PCDH11X: variants seen among roughly 807,000 people sequenced by gnomAD.
PCDH11X encodes protocadherin 11 X-linked, also known as protocadherin-11 X-linked.
Under a neutral mutation model 53.3 loss-of-function variants are expected in PCDH11X, and 18 were observed. The ratio of observed to expected loss-of-function variants is 0.34; its 90% CI spans 0.23 to 0.50. The LOEUF (loss-of-function observed/expected upper bound fraction) is 0.50, where lower values mean the gene tolerates loss of function less well. Among genes scored for constraint, PCDH11X ranks in the 20% least tolerant of loss-of-function variants. PCDH11X has a pLI of 0.98. For missense variants in PCDH11X, 570 were observed against 1,032.4 expected (o/e 0.55, Z 6.14); for synonymous variants, 279 against 393.3 (o/e 0.71, Z 3.44).
intron 6 of PCDH11X, among the ~76,000 whole-genome samples, chrX:92,147,851 C>CTTTCT (rs1410054680): frequency 2.1e-5 from 2 of 95,264 alleles, no homozygotes; most frequent in Non-Finnish European, 4.1e-5. Flanking sequence ...TTCTTTCTTT[C>CTTTCT]TTTTTTCTTT....
intron 6 of PCDH11X, among the ~76,000 whole-genome samples, chrX:92,057,975 T>C (rs2063474358): frequency 1.1e-5 from 1 of 91,024 alleles, no homozygotes; most frequent in Non-Finnish European, 2.0e-5. Flanking sequence ...ATTTCTTCCC[T>C]TTCTATGTTG....
At chrX:92,127,518 C>CT (rs35828888) in intron 6 of PCDH11X, among the ~76,000 whole-genome samples, 4,540 of 88,376 alleles carry the variant, frequency 0.051, 431 homozygotes, top group African/African-American at 0.18. Context: ...TTTCCCCCCA[C>CT]TTTTTTTTTT....
intron 9 of PCDH11X, among the ~76,000 whole-genome samples, chrX:92,421,117 CTG>C (rs2071955910): frequency 9.0e-6 from 1 of 111,441 alleles, no homozygotes; most frequent in African/African-American, 3.3e-5. Flanking sequence ...GTTTATTTAT[CTG>C]TGTTTTGTTT....
At chrX:92,578,058 G>A (rs1240684272) in intron 10 of PCDH11X, among the ~76,000 whole-genome samples, 5 of 103,332 alleles carry the variant, frequency 4.8e-5, no homozygotes, top group Non-Finnish European at 6.0e-5. Context: ...CACTTGATCC[G>A]GAGCTGAGAT....
At chrX:92,258,872 T>C (rs1026374629) in intron 7 of PCDH11X, among the ~76,000 whole-genome samples, 1 of 112,161 alleles carries the variant, frequency 8.9e-6, no homozygotes, top group Non-Finnish European at 1.9e-5. Context: ...ACATCTTGAA[T>C]GCTTTGCTGC....
intron 6 of PCDH11X, among the ~76,000 whole-genome samples, chrX:91,962,080 T>A (rs2061796086): frequency 9.6e-6 from 1 of 104,213 alleles, no homozygotes; most frequent in African/African-American, 3.6e-5. Context: ...ACCATGTCAT[T>A]CCACCCCGGC....
chrX:91,887,448 G>A (rs1035408769), intron 6 of PCDH11X, among the ~76,000 whole-genome samples: 4 of 111,043 alleles, frequency 3.6e-5, no homozygotes, highest in Admixed American at 1.9e-4. Flanking sequence ...TACATCGTGC[G>A]TGTTCATACA....
intron 8 of PCDH11X, among the ~76,000 whole-genome samples, chrX:92,323,413 A>G (rs926023423): frequency 6.4e-4 from 70 of 108,735 alleles, no homozygotes; most frequent in African/African-American, 2.2e-3. Flanking sequence ...ATAAAGAATC[A>G]GTAAACCCTC....
chrX:92,404,833 C>T (rs1476382774), intron 9 of PCDH11X, among the ~76,000 whole-genome samples: 2 of 92,903 alleles, frequency 2.2e-5, no homozygotes, highest in Non-Finnish European at 4.2e-5. Context: ...CTTCTCCAAC[C>T]TGTGCATGAG....
In PCDH11X at chrX:92,620,414, T is replaced by G. The variant is rs1928393821; in HGVS notation, c.*1474T>G. ...ACTTAATTTTCTTCCATAGCAAAAC[T>G]GAGAAAATACCTTGTTTCAGTATAA... On this transcript the variant is annotated 3_prime_UTR_variant, in exon 11 of 11. Transcript: ENST00000682573. 1 of 100,199 alleles carries G rather than the reference T, an allele frequency of 1.0e-5. No homozygotes were observed. Among genetic ancestry groups the G allele is most frequent in the South Asian group, 5.0e-4 (1 of 1,995 alleles). The allele number at this position is 100,199 out of a possible 1,213,427, so 8.3% of individuals were successfully genotyped here.
At chrX:92,274,954 T>A (rs1485706210) in intron 8 of PCDH11X, among the ~76,000 whole-genome samples, 10 of 108,234 alleles carry the variant, frequency 9.2e-5, no homozygotes, top group Non-Finnish European at 1.9e-4. Context: ...GGGAGGCCAG[T>A]TTGAAGTCTG....
In PCDH11X at chrX:92,270,299, T is replaced by C. The variant is rs182552139; in HGVS notation, c.3144+7156T>C. 3.6e-4 allele frequency among the ~76,000 whole-genome samples: 39 copies of C among 109,222 alleles called. No individual in the cohort carries two copies. The East Asian group carries it at 0.011, about 32-fold the overall frequency. The allele number at this position is 109,222 out of a possible 115,157, so 94.8% of individuals were successfully genotyped here. The stretch of plus-strand genomic sequence containing the variant: ...CGGCTAGTTGTTTTTTGTGTGTGTG[T>C]TTTTAGTAGAGATGGGGTGTTACCA... On this transcript the variant is annotated intron_variant, in intron 8 of 10. Coordinates refer to ENST00000682573, the MANE Select transcript of PCDH11X (RefSeq NM_032968.5).
intron 6 of PCDH11X, among the ~76,000 whole-genome samples, chrX:91,904,673 T>C (rs1484904976): frequency 9.0e-6 from 1 of 111,529 alleles, no homozygotes; most frequent in East Asian, 2.8e-4. Flanking sequence ...TGCTCATTTT[T>C]TATTTTATTA....
chrX:92,552,217 ATT>A (rs755343357), intron 10 of PCDH11X, among the ~76,000 whole-genome samples: 1 of 77,075 alleles, frequency 1.3e-5, no homozygotes. Context: ...GTCCTCCTCA[ATT>A]TTTTTTCATC....
At chrX:92,464,439 A>T (rs933399565) in intron 9 of PCDH11X, among the ~76,000 whole-genome samples, 1 of 110,388 alleles carries the variant, frequency 9.1e-6, no homozygotes, top group Non-Finnish European at 1.9e-5. Context: ...TTTGCTTGAC[A>T]CTTCTCCTTC....
chrX:92,470,841 T>C (rs1217362995), intron 10 of PCDH11X, among the ~76,000 whole-genome samples: 6 of 110,034 alleles, frequency 5.5e-5, no homozygotes, highest in Non-Finnish European at 1.1e-4. Flanking sequence ...TGTTGTTGAA[T>C]TCAGTTTGCT....
chrX:91,879,797 C>T (rs953684375), intron 6 of PCDH11X: 59 of 740,171 alleles, frequency 8.0e-5, no homozygotes, highest in African/African-American at 5.4e-4. Context: ...AGAAAAGTGT[C>T]GTTTTCAGAT....
intron 8 of PCDH11X, among the ~76,000 whole-genome samples, chrX:92,361,950 C>G (rs1223453179): frequency 9.0e-6 from 1 of 111,505 alleles, no homozygotes; most frequent in East Asian, 2.8e-4. Flanking sequence ...TTTAACTTAG[C>G]ATAATATTCT....
At chrX:92,032,144 C>T (rs1378213375) in intron 6 of PCDH11X, among the ~76,000 whole-genome samples, 2 of 110,494 alleles carry the variant, frequency 1.8e-5, no homozygotes, top group Admixed American at 1.9e-4. Flanking sequence ...TTTTTTTTGT[C>T]CTCTACAGTT....
Sources: allele counts gnomAD v4.1 joint callset (sites outside exome capture counted in the v4.1 genomes callset), GRCh38; gene constraint gnomAD v4.1.1; transcripts MANE v1.5; gene names NCBI Gene and HGNC (gene_info 2026-07-23, HGNC 2026-07-21).